ASXL3: variants seen among roughly 807,000 people sequenced by gnomAD.
The protein encoded by ASXL3 is ASXL transcriptional regulator 3, also known as putative Polycomb group protein ASXL3.
Under a neutral mutation model 170.6 loss-of-function variants are expected in ASXL3, and 34 were observed. The ratio of observed to expected loss-of-function variants is 0.20; its 90% CI spans 0.15 to 0.27. The LOEUF (loss-of-function observed/expected upper bound fraction) is 0.27. Among genes scored for constraint, ASXL3 ranks in the 10% least tolerant of loss-of-function variants. The pLI is 1.00. For synonymous variants in ASXL3, 1,002 were observed against 989.1 expected (o/e 1.01, Z -0.24); for missense variants, 2,592 against 2,695.3 (o/e 0.96, Z 0.85).
At chr18:33,691,736 A>ATTGTCTG (rs1244478707) in intron 8 of ASXL3, among the ~76,000 whole-genome samples, 4 of 152,142 alleles carry the variant, frequency 2.6e-5, no homozygotes, top group Admixed American at 1.3e-4. Flanking sequence ...AGATAATTAC[A>ATTGTCTG]TTGTCTGTAA....
At chr18:33,603,785 A>G (rs1425032459) in intron 1 of ASXL3, among the ~76,000 whole-genome samples, 1 of 152,128 alleles carries the variant, frequency 6.6e-6, no homozygotes, top group East Asian at 1.9e-4. Context: ...GATGCAAGAC[A>G]TCTCAGAGAT....
chr18:33,582,975 TAAAC>T (rs2145088521), intron 1 of ASXL3, among the ~76,000 whole-genome samples: 1 of 152,292 alleles, frequency 6.6e-6, no homozygotes, highest in African/African-American at 2.4e-5. Flanking sequence ...ACATTCTAAA[TAAAC>T]TGTTAGGATT....
chr18:33,578,839 C>T (rs2064968912), intron 1 of ASXL3, 154 bp downstream of exon 1: 4 of 374,818 alleles, frequency 1.1e-5, no homozygotes, highest in Non-Finnish European at 1.6e-5. Flanking sequence ...AGTGGGCTCG[C>T]CCGGGGGCCC....
intron 7 of ASXL3, among the ~76,000 whole-genome samples, chr18:33,676,623 T>C (rs534407011): frequency 4.9e-4 from 75 of 152,340 alleles, no homozygotes; most frequent in Admixed American, 1.4e-3. Flanking sequence ...TCCTTTATTA[T>C]AGACCTTGAA....
In ASXL3 at chr18:33,671,823, A is replaced by G. The variant is rs1340446592; in HGVS notation, c.672A>G (p.Lys224=). Reference sequence around the variant, plus strand: ...ATGGGCAAAAATCTCCCACTGGAAAACAAACAAGTCAGCACTTAAAACGAT... The same window carrying G: ...ATGGGCAAAAATCTCCCACTGGAAAGCAAACAAGTCAGCACTTAAAACGAT... ...MKHGQKSPTG[K]QTSQHLKRLK... The change falls in exon 7 of 12, where the codon AAA becomes AAG. Residue 224 remains lysine (K), a synonymous_variant. Coordinates refer to ENST00000269197, the MANE Select transcript of ASXL3 (RefSeq NM_030632.3). 1 of 1,611,720 alleles carries G rather than the reference A, an allele frequency of 6.2e-7. No homozygotes were observed. The highest frequency in any genetic ancestry group is 8.5e-7 in the Non-Finnish European group (1 of 1,178,854).
intron 3 of ASXL3, 49 bp from the exon 4 acceptor site, chr18:33,646,196 G>A (rs2065910486): frequency 6.9e-7 from 1 of 1,446,022 alleles, no homozygotes; most frequent in Non-Finnish European, 9.7e-7. Flanking sequence ...AATGTTTTTA[G>A]TTGCTAATAC....
chr18:33,725,847 C>T (rs940902098), intron 8 of ASXL3, among the ~76,000 whole-genome samples: 12 of 152,280 alleles, frequency 7.9e-5, no homozygotes, highest in African/African-American at 2.9e-4. Flanking sequence ...TCTTTCTCAG[C>T]CCCAGTGATC....
intron 10 of ASXL3, 52 bp downstream of exon 10, chr18:33,734,467 A>C: frequency 8.0e-7 from 1 of 1,247,806 alleles, no homozygotes; most frequent in Non-Finnish European, 1.1e-6. Flanking sequence ...ATGAAAATGT[A>C]ATTCTCTGCT....
chr18:33,607,440 T>A (rs2065266464), intron 1 of ASXL3, among the ~76,000 whole-genome samples, 154 bp from the exon 2 acceptor site: 1 of 152,000 alleles, frequency 6.6e-6, no homozygotes, highest in Non-Finnish European at 1.5e-5. Flanking sequence ...AAAATTACGT[T>A]CTTCCTTTGG....
chr18:33,664,761 A>G (rs1229434165), intron 5 of ASXL3, among the ~76,000 whole-genome samples: 1 of 152,200 alleles, frequency 6.6e-6, no homozygotes, highest in Admixed American at 6.5e-5. Context: ...TTGATGTCAT[A>G]GCACTGTTGA....
intron 1 of ASXL3, among the ~76,000 whole-genome samples, chr18:33,583,335 C>T (rs1245284277): frequency 1.3e-5 from 2 of 152,194 alleles, no homozygotes; most frequent in Non-Finnish European, 2.9e-5. Flanking sequence ...GTAGTTGGAT[C>T]ATGAGCCTGG....
At chr18:33,604,109 A>G (rs566438434) in intron 1 of ASXL3, among the ~76,000 whole-genome samples, 1 of 152,090 alleles carries the variant, frequency 6.6e-6, no homozygotes, top group African/African-American at 2.4e-5. Flanking sequence ...GTTAGCCAAT[A>G]TAAATAATGT....
At chr18:33,707,782 G>T (rs1013117498) in intron 8 of ASXL3, among the ~76,000 whole-genome samples, 5 of 151,904 alleles carry the variant, frequency 3.3e-5, no homozygotes, top group Admixed American at 1.3e-4. Context: ...TCATCTTTAT[G>T]CAGGATGCTT....
chr18:33,743,219 C>A lies in ASXL3; in HGVS notation c.3371C>A (p.Ser1124Tyr), dbSNP rs979454747. The A allele has an allele frequency of 1.2e-6, 2 of 1,613,856 alleles. No homozygotes were observed. Among genetic ancestry groups the A allele is most frequent in the Non-Finnish European group, 1.7e-6 (2 of 1,179,878 alleles). ...GCTCGAGCCCATCTCTTCCAGACCT[C>A]TAAAGAGACCCGGTTGCCTCCTCCG... ...HQARAHLFQT[S>Y]KETRLPPPLS... The change falls in exon 12 of 12, where the codon TCT (serine) becomes TAT (tyrosine). Residue 1124 changes from serine (S) to tyrosine (Y), a missense_variant. By Grantham distance (144) the Ser-to-Tyr change is moderately radical (BLOSUM62 -2). Coordinates refer to ENST00000269197, the MANE Select transcript of ASXL3 (RefSeq NM_030632.3).
chr18:33,650,908 C>T (rs2065987815), intron 4 of ASXL3, among the ~76,000 whole-genome samples: 1 of 152,030 alleles, frequency 6.6e-6, no homozygotes, highest in Admixed American at 6.6e-5. Context: ...ATTAATCTAG[C>T]CTTAGGACAC....
At chr18:33,646,189 GT>G in intron 3 of ASXL3, 55 bp from the exon 4 acceptor site, 1 of 1,362,020 alleles carries the variant, frequency 7.3e-7, no homozygotes, top group Non-Finnish European at 1.0e-6. Flanking sequence ...TATTTTGAAT[GT>G]TTTTAGTTGC....
At chr18:33,713,160 C>G (rs987139084) in intron 8 of ASXL3, among the ~76,000 whole-genome samples, 1 of 145,724 alleles carries the variant, frequency 6.9e-6, no homozygotes, top group African/African-American at 2.5e-5. Flanking sequence ...TATACAAAAT[C>G]AGGGTTTGTT....
chr18:33,653,615 C>G (rs544021941), intron 4 of ASXL3, among the ~76,000 whole-genome samples: 2 of 152,040 alleles, frequency 1.3e-5, no homozygotes, highest in East Asian at 1.9e-4. Context: ...TTCCAGCCCC[C>G]AGATTATACA....
rs777339320 is a variant in ASXL3, at chr18:33,744,377, C to T, written c.4529C>T (p.Ser1510Phe). The T allele has an allele frequency of 3.7e-6, 6 of 1,613,756 alleles. No individual in the cohort carries two copies. The African/African-American group carries it at 6.7e-5, about 18-fold the overall frequency. ...LQGRPVRTEA[S>F]VQPVACPQVS... is the part of the protein sequence containing the mutation. ...GGCAGACCAGTGAGGACAGAGGCAT[C>T]CGTACAGCCCGTGGCGTGTCCTCAG... Residue 1510 changes from serine (S) to phenylalanine (F), a missense_variant, in exon 12 of 12, where the codon TCC becomes TTC. Ser to Phe is a radical substitution (Grantham distance 155). Transcript: ENST00000269197.
Sources: allele counts gnomAD v4.1 joint callset (sites outside exome capture counted in the v4.1 genomes callset), GRCh38; gene constraint gnomAD v4.1.1; transcripts MANE v1.5; gene names NCBI Gene and HGNC (gene_info 2026-07-23, HGNC 2026-07-21).